The following PCDHA3 variants were observed in gnomAD, a reference collection of about 807,000 sequenced individuals.
The protein encoded by PCDHA3 is protocadherin alpha 3, also known as protocadherin alpha-3.
In PCDHA3, 41 loss-of-function variants were observed where a neutral mutation model predicts 62.2. The observed-to-expected ratio is 0.66, with a 90% CI of 0.51 to 0.86. The LOEUF is 0.86. PCDHA3 is among the 40% of genes least tolerant of loss of function. PCDHA3 has a pLI of 0.00. For synonymous variants in PCDHA3, 640 were observed against 555.4 expected, an observed-to-expected ratio of 1.15 and a Z score of -2.14; for missense variants, 1,304 against 1,241.2, an observed-to-expected ratio of 1.05 and a Z score of -0.76.
chr5:140,827,967 C>A (rs1278523381), intron 1 of PCDHA3: 2 of 1,351,286 alleles, frequency 1.5e-6, no homozygotes, highest in African/African-American at 2.9e-5. Flanking sequence ...TCTATTACTG[C>A]ATCATTCCCT....
intron 1 of PCDHA3, among the ~76,000 whole-genome samples, chr5:140,943,257 CAAAAAAAAAAA>C (rs1238620023): frequency 1.3e-5 from 1 of 77,574 alleles, no homozygotes. Flanking sequence ...GACTCTGTCT[CAAAAAAAAAAA>C]AAAAAAAAAG....
intron 1 of PCDHA3, chr5:140,806,995 C>T (rs1049333207): frequency 1.5e-6 from 1 of 684,994 alleles, no homozygotes; most frequent in Non-Finnish European, 2.4e-6. Context: ...CACATGATGT[C>T]GCTCTTTACC....
chr5:140,870,763 G>T (rs1386684596), intron 1 of PCDHA3: 1 of 1,613,434 alleles, frequency 6.2e-7, no homozygotes, highest in African/African-American at 1.3e-5. Context: ...GCAGGTGTTC[G>T]TGCTGGACGA....
At chr5:140,917,334 G>T (rs1466426021) in intron 1 of PCDHA3, among the ~76,000 whole-genome samples, 7 of 147,628 alleles carry the variant, frequency 4.7e-5, no homozygotes, top group Admixed American at 4.1e-4. Context: ...CGGGGGAGGG[G>T]GGGGATGGTG....
intron 1 of PCDHA3, chr5:140,926,540 T>G: frequency 4.6e-6 from 1 of 215,362 alleles, no homozygotes; most frequent in Non-Finnish European, 9.1e-6. Context: ...GCCAGCGTGG[T>G]GGTCGAGACC....
At chr5:140,966,955 C>T in intron 1 of PCDHA3, 1 of 1,602,734 alleles carries the variant, frequency 6.2e-7, no homozygotes, top group East Asian at 2.2e-5. Context: ...ACGTGGCTCG[C>T]GCGCTGGGGC....
intron 1 of PCDHA3, chr5:140,828,496 A>G: frequency 1.9e-6 from 3 of 1,614,252 alleles, no homozygotes; most frequent in Non-Finnish European, 2.5e-6. Flanking sequence ...TGTTCCCGGT[A>G]GAGGAACAAA....
chr5:140,838,115 TG>T (rs1554136890), intron 1 of PCDHA3, among the ~76,000 whole-genome samples: 5 of 149,894 alleles, frequency 3.3e-5, no homozygotes, highest in Non-Finnish European at 7.4e-5. Context: ...TGTGTGTGTG[TG>T]TGTGTGTGTG....
intron 1 of PCDHA3, among the ~76,000 whole-genome samples, chr5:140,958,893 A>G (rs1332305633): frequency 2.6e-5 from 4 of 152,002 alleles, no homozygotes; most frequent in African/African-American, 9.7e-5. Flanking sequence ...TAGCTATATA[A>G]TAGATACAGA....
In PCDHA3 at chr5:140,858,202, A is replaced by C. The variant is rs782325182; in HGVS notation, c.2394+54611A>C. On this transcript the variant is annotated intron_variant, in intron 1 of 3. Transcript: ENST00000522353. The stretch of plus-strand genomic sequence containing the variant: ...TGCTCACGCTGCTGCTGTACACTGC[A>C]CTGAGGTGCTCGGCGGCGCCCACCG... The C allele has an allele frequency of 1.9e-6, 3 of 1,596,904 alleles. No homozygotes were observed. In the East Asian group the frequency reaches 6.7e-5, roughly 36 times the overall value.
intron 1 of PCDHA3, chr5:140,966,545 G>A: frequency 2.1e-6 from 1 of 465,980 alleles, no homozygotes; most frequent in Non-Finnish European, 3.7e-6. Context: ...CGACTCGGAG[G>A]CGAGCGGAGG....
At chr5:140,865,628 G>A (rs2048940891) in intron 1 of PCDHA3, 1 of 152,162 alleles carries the variant, frequency 6.6e-6, no homozygotes, top group African/African-American at 2.4e-5. Flanking sequence ...TAGACATCAT[G>A]AAGGGACTTA....
intron 1 of PCDHA3, chr5:140,842,416 T>C (rs1486970475): frequency 6.2e-7 from 1 of 1,613,166 alleles, no homozygotes; most frequent in Non-Finnish European, 8.5e-7. Flanking sequence ...ACGCTCAATT[T>C]GGTACTGTCA....
chr5:140,845,302 C>A lies in PCDHA3; in HGVS notation c.2394+41711C>A, dbSNP rs2150378107. On this transcript the variant is annotated intron_variant, in intron 1 of 3. Coordinates refer to ENST00000522353, the MANE Select transcript of PCDHA3 (RefSeq NM_018906.3). ...TATTTCCTATCCTGTCTATGTCTAC[C>A]TGGTTCTCAGGTATTACTTTAATTA... is the stretch of plus-strand genomic sequence containing the variant. 3.4e-5 allele frequency among the ~76,000 whole-genome samples: 5 copies of A among 148,988 alleles called. 1 individual carries two copies. Among genetic ancestry groups the A allele is most frequent in the Non-Finnish European group, 6.0e-5 (4 of 66,584 alleles).
intron 1 of PCDHA3, among the ~76,000 whole-genome samples, chr5:140,959,381 A>G (rs2095484925): frequency 6.6e-6 from 1 of 152,190 alleles, no homozygotes; most frequent in African/African-American, 2.4e-5. Flanking sequence ...CTCAAAAAAA[A>G]AAGTCACAAA....
intron 1 of PCDHA3, among the ~76,000 whole-genome samples, chr5:140,909,547 C>T (rs2074573960): frequency 1.3e-5 from 2 of 152,278 alleles, no homozygotes; most frequent in Non-Finnish European, 2.9e-5. Context: ...GATGGTGGCA[C>T]TAATCTCTGC....
intron 1 of PCDHA3, among the ~76,000 whole-genome samples, chr5:140,911,737 G>A (rs187858302): frequency 3.4e-4 from 51 of 152,238 alleles, no homozygotes; most frequent in African/African-American, 9.9e-4. Flanking sequence ...TTCGTGCCAA[G>A]GACTATCAGT....
chr5:140,950,917 A>G (rs1270492994), intron 1 of PCDHA3, among the ~76,000 whole-genome samples: 10 of 151,524 alleles, frequency 6.6e-5, no homozygotes, highest in African/African-American at 2.4e-4. Context: ...ATTTTATTTC[A>G]GTTCTTTTTC....
Position 140,967,085 on chromosome 5 carries a change from C to A in PCDHA3, c.2395-11864C>A, listed in dbSNP as rs155809. On this transcript the variant is annotated intron_variant, in intron 1 of 3. Coordinates refer to ENST00000522353, the MANE Select transcript of PCDHA3 (RefSeq NM_018906.3). ...GCTCTTCGTCAACGAGCGCATTGAT[C>A]GGGAGGCGCTGTGTGAGCAGCGGCC... The A allele has an allele frequency of 3.0e-3, 4,870 of 1,613,198 alleles. 112 individuals are homozygous for A. The African/African-American group carries it at 0.056, about 18-fold the overall frequency.
Sources: gnomAD v4.1 joint callset for allele counts (sites outside exome capture counted in the v4.1 genomes callset) on GRCh38, gnomAD v4.1.1 for gene constraint, MANE v1.5 for transcripts, NCBI Gene and HGNC (gene_info 2026-07-23, HGNC 2026-07-21) for gene names.